PUM1: variants seen among roughly 807,000 people sequenced by gnomAD.
The protein encoded by PUM1 is pumilio RNA binding family member 1.
In PUM1, 13 loss-of-function variants were observed where a neutral mutation model predicts 131.8. That is an observed-to-expected ratio of 0.10 (90% CI 0.06 to 0.16). The LOEUF (loss-of-function observed/expected upper bound fraction) is 0.16. PUM1 is among the 10% of genes least tolerant of loss of function. PUM1 has a pLI of 1.00. For synonymous variants in PUM1, 509 were observed against 556.5 expected, an observed-to-expected ratio of 0.91 and a Z score of 1.20; for missense variants, 961 against 1,512.4, an observed-to-expected ratio of 0.64 and a Z score of 6.05.
Position 31,028,639 on chromosome 1 carries a change from G to A in PUM1, c.432+157C>T, listed in dbSNP as rs1408252448. On this transcript the variant is annotated intron_variant, in intron 3 of 21. Transcript: ENST00000426105. ...ATTCTTCTTTTAATGACATAGTTTT[G>A]GCAAAATTCTCCAGCATCCCGTTCC... The A allele has an allele frequency of 8.7e-6, 6 of 687,692 alleles. No individual in the cohort carries two copies. In the African/African-American group the frequency reaches 1.1e-4, roughly 12 times the overall value. The allele number at this position is 687,692 out of a possible 1,614,324, so 42.6% of individuals were successfully genotyped here.
chr1:30,986,165 G>C (rs988450543), intron 7 of PUM1, among the ~76,000 whole-genome samples: 1 of 152,136 alleles, frequency 6.6e-6, no homozygotes, highest in Non-Finnish European at 1.5e-5. Context: ...ATGTTGGCCA[G>C]GCTGATCTCA....
intron 1 of PUM1, among the ~76,000 whole-genome samples, chr1:31,063,910 T>C (rs1271871051): frequency 6.6e-6 from 1 of 152,204 alleles, no homozygotes; most frequent in Non-Finnish European, 1.5e-5. Flanking sequence ...GGTAGTTTTG[T>C]GGTATTTTGG....
chr1:30,989,931 TGA>T (rs1641722462), intron 7 of PUM1, among the ~76,000 whole-genome samples: 1 of 152,230 alleles, frequency 6.6e-6, no homozygotes, highest in Non-Finnish European at 1.5e-5. Flanking sequence ...ATTTTTCTCA[TGA>T]GAGAGACCAT....
chr1:31,014,119 G>C (rs1280339628), intron 3 of PUM1, among the ~76,000 whole-genome samples: 1 of 151,822 alleles, frequency 6.6e-6, no homozygotes, highest in Admixed American at 6.6e-5. Flanking sequence ...TGGAAAACAT[G>C]TGACAGCCCA....
chr1:31,035,550 G>A (rs1486903964), intron 2 of PUM1, among the ~76,000 whole-genome samples: 3 of 151,948 alleles, frequency 2.0e-5, no homozygotes, highest in South Asian at 4.2e-4. Context: ...TCAGGAGGTC[G>A]AGACCAGCCT....
intron 18 of PUM1, among the ~76,000 whole-genome samples, chr1:30,944,738 GAATA>G (rs1161318039): frequency 1.3e-5 from 2 of 152,148 alleles, no homozygotes; most frequent in African/African-American, 2.4e-5. Context: ...TGAAATATCA[GAATA>G]AATAGTACTT....
chr1:30,945,587 G>C, intron 17 of PUM1, 104 bp from the exon 18 acceptor site: 2 of 1,259,826 alleles, frequency 1.6e-6, no homozygotes, highest in Non-Finnish European at 2.2e-6. Context: ...CAGAGAATCT[G>C]TGATGATGAA....
intron 18 of PUM1, 28 bp downstream of exon 18, chr1:30,945,318 T>C: frequency 6.2e-7 from 1 of 1,610,516 alleles, no homozygotes; most frequent in South Asian, 1.1e-5. Context: ...TAAATTTGTT[T>C]CCATTATTTC....
intron 17 of PUM1, among the ~76,000 whole-genome samples, chr1:30,946,653 T>C (rs936204547): frequency 7.9e-6 from 1 of 126,310 alleles, no homozygotes. Context: ...AAAAAAAAAA[T>C]TATTTTATAT....
At chr1:30,938,786 A>T (rs529682258) in intron 20 of PUM1, among the ~76,000 whole-genome samples, 21 of 152,174 alleles carry the variant, frequency 1.4e-4, no homozygotes, top group African/African-American at 3.9e-4. Flanking sequence ...AATGGTGTGA[A>T]CCCAGGAGGC....
chr1:30,949,305 C>A (rs1639825999), intron 17 of PUM1: 1 of 341,214 alleles, frequency 2.9e-6, no homozygotes. Flanking sequence ...CACTGCCCAG[C>A]ACAAACACAA....
intron 3 of PUM1, among the ~76,000 whole-genome samples, chr1:31,012,462 G>A (rs1490582877): frequency 6.7e-6 from 1 of 150,186 alleles, no homozygotes; most frequent in Non-Finnish European, 1.5e-5. Context: ...AATAGTGTGT[G>A]CTCTCAAATC....
intron 2 of PUM1, chr1:31,055,236 C>A (rs1644210588): frequency 2.3e-6 from 1 of 426,300 alleles, no homozygotes; most frequent in South Asian, 1.7e-5. Context: ...CTTAGCACAG[C>A]TGCCTATCAA....
At chr1:30,997,499 T>C (rs1461465601) in intron 5 of PUM1, among the ~76,000 whole-genome samples, 1 of 97,474 alleles carries the variant, frequency 1.0e-5, no homozygotes, top group Non-Finnish European at 2.2e-5. Context: ...ACTCGTCTTT[T>C]TTTTTTTTTT....
At chr1:31,058,266 GAA>G (rs542737799) in intron 2 of PUM1, among the ~76,000 whole-genome samples, 9 of 151,980 alleles carry the variant, frequency 5.9e-5, no homozygotes, top group Non-Finnish European at 1.0e-4. Context: ...ACACCCAAGA[GAA>G]AAGATTCAAA....
At chr1:31,046,503 T>G (rs939078144) in intron 2 of PUM1, among the ~76,000 whole-genome samples, 3 of 109,138 alleles carry the variant, frequency 2.7e-5, no homozygotes, top group Non-Finnish European at 4.9e-5. Flanking sequence ...TTTTTTTTTG[T>G]TTTTTTGGTT....
intron 10 of PUM1, among the ~76,000 whole-genome samples, chr1:30,970,504 C>T (rs749729689): frequency 7.4e-4 from 112 of 152,286 alleles, no homozygotes; most frequent in Non-Finnish European, 8.2e-4. Context: ...TAGCAAATCA[C>T]TATTATCAAG....
chr1:30,935,792 T>TC (rs1359026342), intron 21 of PUM1: 1 of 405,714 alleles, frequency 2.5e-6, no homozygotes, highest in African/African-American at 2.2e-5. Context: ...AACCAACCCC[T>TC]CAATTGAGAA....
At chr1:31,052,149 A>G (rs1644126946) in intron 2 of PUM1, among the ~76,000 whole-genome samples, 1 of 151,834 alleles carries the variant, frequency 6.6e-6, no homozygotes, top group Non-Finnish European at 1.5e-5. Flanking sequence ...AGTAGCTGGG[A>G]CTACAGGCGC....
Sources: allele counts gnomAD v4.1 joint callset (sites outside exome capture counted in the v4.1 genomes callset), GRCh38; gene constraint gnomAD v4.1.1; transcripts MANE v1.5; gene names NCBI Gene and HGNC (gene_info 2026-07-23, HGNC 2026-07-21).